OTOA: variants seen among roughly 807,000 people sequenced by gnomAD.
OTOA encodes the protein otoancorin, also known as cancer/testis antigen 108.
A neutral mutation model predicts 110.8 loss-of-function variants in OTOA; 70 were observed. The ratio of observed to expected loss-of-function variants is 0.63; its 90% confidence interval spans 0.52 to 0.77. The LOEUF (loss-of-function observed/expected upper bound fraction) is 0.77. Ranked by LOEUF, OTOA falls within the 30% of genes least tolerant of loss-of-function variation. The pLI is 0.00. For synonymous variants in OTOA, 373 were observed against 431.5 expected, an observed-to-expected ratio of 0.86 and a Z score of 1.68; for missense variants, 917 against 1,075.8, an observed-to-expected ratio of 0.85 and a Z score of 2.06.
chr16:21,700,951 C>T lies in OTOA; in HGVS notation c.904C>T (p.Pro302Ser). ...KQLDMVYDIT[P>S]ELAQAFLERI... The stretch of plus-strand genomic sequence containing the variant: ...GCTGGACATGGTCTATGACATCACA[C>T]CTGAGCTGGCCCAGGCGTTTCTGGA... The change falls in exon 11 of 29, where the codon CCT (proline) becomes TCT (serine). Residue 302 changes from proline (P) to serine (S), a missense_variant. Pro to Ser is a moderately conservative substitution (Grantham distance 74). Around this residue, in one of 6 missense-constraint regions of OTOA, gnomAD observed 840 missense variants for 910.2 expected, o/e 0.92. Coordinates refer to ENST00000646100, the MANE Select transcript of OTOA (RefSeq NM_144672.4). The T allele has an allele frequency of 1.9e-6, 3 of 1,614,086 alleles. No homozygotes were observed. Among genetic ancestry groups the T allele is most frequent in the Non-Finnish European group, 2.5e-6 (3 of 1,180,018 alleles).
At chr16:21,712,054 A>C (rs924297081) in intron 13 of OTOA, among the ~76,000 whole-genome samples, 1 of 151,704 alleles carries the variant, frequency 6.6e-6, no homozygotes, top group South Asian at 2.1e-4. Context: ...TAGGCTGGGC[A>C]TGGTGGCTTA....
At position 21,666,315 on chromosome 16, in the gene OTOA, C is replaced by A. The variant is rs191254652; in HGVS notation, c.-5+2083C>A. 2.0e-5 allele frequency among the ~76,000 whole-genome samples: 3 copies of A among 148,724 alleles called. No individual in the cohort carries two copies. In the East Asian group the frequency reaches 6.0e-4, roughly 30 times the overall value. ...ATGCCTAGAGTTATGTGTTCATGAC[C>A]CAGAGCTTAAATGGAGCAGCCTTGC... On this transcript the variant is annotated intron_variant, in intron 1 of 28. Transcript: ENST00000646100.
intron 15 of OTOA, among the ~76,000 whole-genome samples, chr16:21,718,898 G>A (rs966973681): frequency 5.3e-5 from 8 of 152,132 alleles, no homozygotes; most frequent in African/African-American, 1.9e-4. Flanking sequence ...GCCTCATGGG[G>A]TGTAGAGAAT....
At chr16:21,710,211 A>G in intron 13 of OTOA, 108 bp downstream of exon 13, 1 of 1,190,214 alleles carries the variant, frequency 8.4e-7, no homozygotes, top group Non-Finnish European at 1.2e-6. Flanking sequence ...CGTAAACAAC[A>G]TAAATTTATT....
chr16:21,736,116 G>A, intron 21 of OTOA, 145 bp from the exon 22 acceptor site: 1 of 715,982 alleles, frequency 1.4e-6, no homozygotes, highest in East Asian at 2.7e-5. Flanking sequence ...GACCACATTA[G>A]TGGGACTAGG....
intron 9 of OTOA, among the ~76,000 whole-genome samples, chr16:21,693,631 GAGTGC>G (rs1229818485): frequency 6.6e-6 from 1 of 152,108 alleles, no homozygotes; most frequent in Admixed American, 6.6e-5. Context: ...ACCCAGGCTG[GAGTGC>G]AGTGGCACAA....
chr16:21,714,354 CTTCTCTCTTTCT>C (rs1898465734), intron 13 of OTOA, among the ~76,000 whole-genome samples: 1 of 66,110 alleles, frequency 1.5e-5, no homozygotes, highest in African/African-American at 5.6e-5. Flanking sequence ...TCTTTCTTTC[CTTCTCTCTTTCT>C]TTCTCTCTCT....
At chr16:21,685,689 A>C (rs1034804542) in intron 7 of OTOA, among the ~76,000 whole-genome samples, 1 of 152,082 alleles carries the variant, frequency 6.6e-6, no homozygotes, top group African/African-American at 2.4e-5. Flanking sequence ...CAGCCTCCCA[A>C]GTAGCTGGGA....
chr16:21,715,107 T>C lies in OTOA; in HGVS notation c.1443T>C (p.Tyr481=), dbSNP rs760895064. ...TCCTGAGAAGTGCCGTCTCCCAGTA[T>C]GTATCCGACTTGTCACCTGCCCAGC... is the stretch of plus-strand genomic sequence containing the variant. ...SQVLRSAVSQ[Y]VSDLSPAQQQ... is the part of the protein sequence containing the mutation. The change falls in exon 14 of 29, where the codon TAT becomes TAC. Residue 481 remains tyrosine (Y), a synonymous_variant. Coordinates refer to ENST00000646100, the MANE Select transcript of OTOA (RefSeq NM_144672.4). 2.5e-6 allele frequency: 4 copies of C among 1,614,076 alleles called. No homozygotes were observed. The highest frequency in any genetic ancestry group is 2.2e-5 in the South Asian group (2 of 91,094).
At chr16:21,725,748 G>A (rs915675724) in intron 18 of OTOA, among the ~76,000 whole-genome samples, 10 of 152,164 alleles carry the variant, frequency 6.6e-5, no homozygotes, top group Admixed American at 6.6e-4. Flanking sequence ...TAGGCCGGAT[G>A]GGTTTCATGC....
In OTOA at chr16:21,730,824, T is replaced by G; in HGVS notation, c.2208-13T>G. 1 of 1,453,598 alleles carries G rather than the reference T, an allele frequency of 6.9e-7. No individual in the cohort carries two copies. Among genetic ancestry groups the G allele is most frequent in the Non-Finnish European group, 9.6e-7 (1 of 1,040,866 alleles). The allele number at this position is 1,453,598 out of a possible 1,614,324, so 90.0% of individuals were successfully genotyped here. ...CATGTTTTTTCACTTTACTGGTTAT[T>G]ATCTCTTTTTAGACTCCCTCAGCAC... On this transcript the variant is annotated splice_polypyrimidine_tract_variant and intron_variant, in intron 20 of 28. Transcript: ENST00000646100.
At chr16:21,688,102 G>C (rs2141661780) in intron 8 of OTOA, among the ~76,000 whole-genome samples, 1 of 152,210 alleles carries the variant, frequency 6.6e-6, no homozygotes, top group South Asian at 2.1e-4. Flanking sequence ...AACATCTGTA[G>C]AGTTAGGCTG....
intron 1 of OTOA, among the ~76,000 whole-genome samples, chr16:21,673,417 C>T (rs999490261): frequency 1.3e-5 from 2 of 152,144 alleles, no homozygotes; most frequent in African/African-American, 4.8e-5. Context: ...AATCAGGACC[C>T]AGAACTCTCC....
chr16:21,671,943 G>A (rs1966849737), intron 1 of OTOA, among the ~76,000 whole-genome samples: 1 of 151,982 alleles, frequency 6.6e-6, no homozygotes. Context: ...ACCAGCTTGG[G>A]CACTATAGTG....
At chr16:21,678,886 T>C in intron 2 of OTOA, 29 bp from the exon 3 acceptor site, 1 of 1,610,672 alleles carries the variant, frequency 6.2e-7, no homozygotes, top group Non-Finnish European at 8.5e-7. Context: ...AATTCAATTC[T>C]AGTTATACAT....
At chr16:21,685,039 C>T (rs1435116979) in intron 6 of OTOA, among the ~76,000 whole-genome samples, 191 bp from the exon 7 acceptor site, 2 of 152,076 alleles carry the variant, frequency 1.3e-5, no homozygotes, top group Admixed American at 6.6e-5. Context: ...CATGAGCCAC[C>T]GCGCCCGGCC....
intron 1 of OTOA, among the ~76,000 whole-genome samples, chr16:21,677,609 G>A (rs1283322169): frequency 6.6e-6 from 1 of 150,684 alleles, no homozygotes; most frequent in South Asian, 2.1e-4. Flanking sequence ...AGCCTCCTGA[G>A]TAGCTGGGAC....
In OTOA at chr16:21,722,968, G is replaced by A; in HGVS notation, c.1870G>A (p.Ala624Thr). Residue 624 changes from alanine to threonine, a missense_variant, in exon 18 of 29, where the codon GCT becomes ACT. Coordinates refer to ENST00000646100, the MANE Select transcript of OTOA (RefSeq NM_144672.4). ...SRLSMPPFLL[A>T]ALPARYLASV... ...ATTGTCTATGCCACCTTTCCTCTTGGCTGCACTCCCGTAAGTGAACATCAG... is the reference window on the plus strand; with the variant it reads ...ATTGTCTATGCCACCTTTCCTCTTGACTGCACTCCCGTAAGTGAACATCAG... The A allele has an allele frequency of 6.2e-7, 1 of 1,613,990 alleles. No homozygotes were observed. The highest frequency in any genetic ancestry group is 1.6e-4 in the Middle Eastern group (1 of 6,062).
At chr16:21,671,210 T>C (rs1332114385) in intron 1 of OTOA, among the ~76,000 whole-genome samples, 1 of 152,140 alleles carries the variant, frequency 6.6e-6, no homozygotes, top group Non-Finnish European at 1.5e-5. Context: ...ACAACTCATT[T>C]TACCCTCATA....
Sources: gnomAD v4.1 joint callset for allele counts (sites outside exome capture counted in the v4.1 genomes callset) on GRCh38, gnomAD v4.1.1 for gene constraint, gnomAD v4.1.1 regional missense constraint, MANE v1.5 for transcripts, NCBI Gene and HGNC (gene_info 2026-07-23, HGNC 2026-07-21) for gene names.